SLC6A11: variants seen among roughly 807,000 people sequenced by gnomAD.
The protein encoded by SLC6A11 is solute carrier family 6 member 11, also known as sodium- and chloride-dependent GABA transporter 3.
In SLC6A11, 25 loss-of-function variants were observed where a neutral mutation model predicts 74.8. The ratio of observed to expected loss-of-function variants is 0.33; its 90% CI spans 0.24 to 0.47. The LOEUF (loss-of-function observed/expected upper bound fraction) is 0.47, where lower values mean the gene tolerates loss of function less well. Among genes scored for constraint, SLC6A11 ranks in the 20% least tolerant of loss-of-function variants. The pLI is 1.00. For synonymous variants in SLC6A11, 330 were observed against 330.2 expected, an observed-to-expected ratio of 1.00 and a Z score of 0.01; for missense variants, 574 against 837.0, an observed-to-expected ratio of 0.69 and a Z score of 3.88.
intron 4 of SLC6A11, among the ~76,000 whole-genome samples, chr3:10,834,707 G>A (rs1293238617): frequency 2.6e-5 from 4 of 152,148 alleles, no homozygotes; most frequent in East Asian, 1.9e-4. Flanking sequence ...GGGGAGAAGC[G>A]CCAGAGCTGG....
At position 10,844,229 on chromosome 3, in the gene SLC6A11, C is replaced by A; in HGVS notation, c.639C>A (p.Ala213=). 1 of 1,614,238 alleles carries A rather than the reference C, an allele frequency of 6.2e-7. No homozygotes were observed. Among genetic ancestry groups the A allele is most frequent in the Admixed American group, 1.7e-5 (1 of 60,028 alleles). Residue 213 remains alanine (A), a synonymous_variant, in exon 5 of 14, where the codon GCC becomes GCA. Coordinates refer to ENST00000254488, the MANE Select transcript of SLC6A11 (RefSeq NM_014229.3). ...VMEFWEHRVL[A]ISDGIEHIGN... ...CCTTCTGCAGGCACCGGGTCCTGGC[C>A]ATCTCTGACGGGATCGAGCACATCG... is the stretch of plus-strand genomic sequence containing the variant.
chr3:10,832,207 G>C (rs556210347), intron 4 of SLC6A11, among the ~76,000 whole-genome samples: 4 of 152,142 alleles, frequency 2.6e-5, no homozygotes, highest in African/African-American at 9.7e-5. Flanking sequence ...TAGTGGCCCC[G>C]AGCAGCCCTG....
At chr3:10,899,023 T>C (rs1575694450) in intron 6 of SLC6A11, among the ~76,000 whole-genome samples, 1 of 152,262 alleles carries the variant, frequency 6.6e-6, no homozygotes, top group South Asian at 2.1e-4. Flanking sequence ...TTTCCCCTTA[T>C]CAAACCATCA....
At chr3:10,825,827 A>G (rs1246481516) in intron 4 of SLC6A11, among the ~76,000 whole-genome samples, 1 of 152,230 alleles carries the variant, frequency 6.6e-6, no homozygotes, top group Non-Finnish European at 1.5e-5. Flanking sequence ...TCTTCTGTAC[A>G]TAATTTCCTT....
chr3:10,917,255 G>A (rs1695468755), intron 7 of SLC6A11, among the ~76,000 whole-genome samples: 1 of 152,174 alleles, frequency 6.6e-6, no homozygotes, highest in Non-Finnish European at 1.5e-5. Context: ...ACAAGCATGG[G>A]TGAATACAAT....
At chr3:10,852,612 C>G (rs547834165) in intron 5 of SLC6A11, among the ~76,000 whole-genome samples, 1 of 152,282 alleles carries the variant, frequency 6.6e-6, no homozygotes, top group South Asian at 2.1e-4. Flanking sequence ...GTCCCAGTGG[C>G]GGGGGCTGGC....
At chr3:10,935,591 C>T (rs11128532) in intron 13 of SLC6A11, among the ~76,000 whole-genome samples, 55,157 of 152,064 alleles carry the variant, frequency 0.36, 10,640 homozygotes, top group African/African-American at 0.48. Flanking sequence ...TGTGCCAGGC[C>T]GTCTACCTGC....
At chr3:10,937,786 C>A (rs1411619793) in intron 13 of SLC6A11, among the ~76,000 whole-genome samples, 3 of 152,166 alleles carry the variant, frequency 2.0e-5, no homozygotes, top group African/African-American at 7.2e-5. Context: ...CTACACCTTC[C>A]CCGACATGAT....
At chr3:10,841,454 T>C (rs1022719578) in intron 4 of SLC6A11, among the ~76,000 whole-genome samples, 1 of 152,180 alleles carries the variant, frequency 6.6e-6, no homozygotes, top group African/African-American at 2.4e-5. Flanking sequence ...CCCTTTCCTT[T>C]GGAAACCAAA....
intron 5 of SLC6A11, among the ~76,000 whole-genome samples, chr3:10,869,276 A>G (rs1694801424): frequency 6.6e-6 from 1 of 152,206 alleles, no homozygotes; most frequent in African/African-American, 2.4e-5. Context: ...GGGCTCAGGG[A>G]GGACGGGGCA....
intron 4 of SLC6A11, among the ~76,000 whole-genome samples, chr3:10,841,003 A>G (rs996572660): frequency 6.6e-6 from 1 of 152,218 alleles, no homozygotes; most frequent in African/African-American, 2.4e-5. Context: ...GGTAAGGAGC[A>G]GGGCTGGGAT....
chr3:10,871,163 C>T (rs1304504812), intron 5 of SLC6A11, among the ~76,000 whole-genome samples: 1 of 152,124 alleles, frequency 6.6e-6, no homozygotes, highest in African/African-American at 2.4e-5. Flanking sequence ...AACTGTGAGG[C>T]TACATTTGGC....
rs779071772 is a variant in SLC6A11, at chr3:10,915,970, T to C, written c.996-2359T>C. Among the ~76,000 whole-genome samples the C allele has an allele frequency of 1.4e-4, 22 of 152,216 alleles. No homozygotes were observed. The highest frequency in any genetic ancestry group is 2.8e-4 in the Non-Finnish European group (19 of 68,048). On this transcript the variant is annotated intron_variant, in intron 7 of 13. Transcript: ENST00000254488. This position sits in a 1 kb window ranked among gnomAD's most constrained non-coding sequence, Gnocchi z 4.3. ...CATGGGCTTTGATCTATGTGACTCA[T>C]CTCCCTCAGCCTCAGGATTCAGTGA...
At chr3:10,906,651 G>A (rs1695306409) in intron 6 of SLC6A11, among the ~76,000 whole-genome samples, 1 of 152,190 alleles carries the variant, frequency 6.6e-6, no homozygotes, top group South Asian at 2.1e-4. Flanking sequence ...GCAGAGGTCT[G>A]GGCCCTGTGA....
intron 4 of SLC6A11, among the ~76,000 whole-genome samples, chr3:10,829,552 G>A (rs564499737): frequency 2.1e-4 from 32 of 152,226 alleles, no homozygotes; most frequent in South Asian, 4.1e-4. Flanking sequence ...ACATTACCCC[G>A]TGGCTAAAGT....
rs369440453 is a variant in SLC6A11 at position 10,934,811 on chromosome 3, C to T, written c.1576-218C>T. 2.4e-4 allele frequency among the ~76,000 whole-genome samples: 37 copies of T among 152,342 alleles called. 1 individual carries two copies. Among genetic ancestry groups the T allele is most frequent in the African/African-American group, 7.7e-4 (32 of 41,582 alleles). ...AGCGAGGTCCCAGAACCCAGGGCCACGTTCCCTGAGCATCTGTTGCCTGTG... is the reference window on the plus strand; with the variant it reads ...AGCGAGGTCCCAGAACCCAGGGCCATGTTCCCTGAGCATCTGTTGCCTGTG... On this transcript the variant is annotated intron_variant, in intron 12 of 13. Coordinates refer to ENST00000254488, the MANE Select transcript of SLC6A11 (RefSeq NM_014229.3).
In SLC6A11 at chr3:10,875,081, C is replaced by G; in HGVS notation, c.877C>G (p.Leu293Val). 7 of 1,609,204 alleles carry G rather than the reference C, an allele frequency of 4.3e-6. No homozygotes were observed. The highest frequency in any genetic ancestry group is 5.9e-6 in the Non-Finnish European group (7 of 1,176,510). The part of the protein sequence containing the change: ...KFYLYPDLSR[L>V]SDPQVWVDAG... ...CTACTTGTACCCTGACCTCTCCCGG[C>G]TCTCCGACCCCCAGGTAAGAGTCGC... The change falls in exon 6 of 14, where the codon CTC (leucine) becomes GTC (valine). Residue 293 changes from leucine to valine, a missense_variant. Coordinates refer to ENST00000254488, the MANE Select transcript of SLC6A11 (RefSeq NM_014229.3).
At chr3:10,932,922 GAGACA>G (rs1192496621) in intron 10 of SLC6A11, among the ~76,000 whole-genome samples, 2 of 152,094 alleles carry the variant, frequency 1.3e-5, no homozygotes, top group African/African-American at 4.8e-5. Context: ...GTGAGGGGCT[GAGACA>G]AGACAAACCA....
At chr3:10,843,988 C>T (rs188839856) in intron 4 of SLC6A11, among the ~76,000 whole-genome samples, 1 of 152,346 alleles carries the variant, frequency 6.6e-6, no homozygotes, top group East Asian at 1.9e-4. Flanking sequence ...ACTACATCTG[C>T]AGACTTGCCT....
Sources: gnomAD v4.1 joint callset for allele counts (sites outside exome capture counted in the v4.1 genomes callset) on GRCh38, gnomAD v4.1.1 for gene constraint, Gnocchi (gnomAD v3.1) non-coding constraint, MANE v1.5 for transcripts, NCBI Gene and HGNC (gene_info 2026-07-23, HGNC 2026-07-21) for gene names.